ELOVL5: variants seen among roughly 807,000 people sequenced by gnomAD.
ELOVL5 encodes the protein ELOVL fatty acid elongase 5, also known as very long chain fatty acid elongase 5.
Under a neutral mutation model 38.6 loss-of-function variants are expected in ELOVL5, and 8 were observed. That is an observed-to-expected ratio of 0.21 (90% CI 0.12 to 0.37). The LOEUF is 0.37. ELOVL5 is among the 10% of genes least tolerant of loss of function. The pLI is 1.00. For missense variants in ELOVL5, 280 were observed against 367.8 expected (o/e 0.76, Z 1.95); for synonymous variants, 127 against 133.7 (o/e 0.95, Z 0.34).
At chr6:53,348,679 G>T in intron 1 of ELOVL5, 138 bp downstream of exon 1, 1 of 351,640 alleles carries the variant, frequency 2.8e-6, no homozygotes, top group Non-Finnish European at 5.5e-6. Context: ...AGCGCGGGTT[G>T]CCCCGGCAGC....
chr6:53,324,415 GC>G (rs960434676), intron 1 of ELOVL5, among the ~76,000 whole-genome samples: 1 of 151,988 alleles, frequency 6.6e-6, no homozygotes, highest in Admixed American at 6.6e-5. Flanking sequence ...GTGGCTCACA[GC>G]TGTAATCCCA....
chr6:53,332,586 G>C (rs1768853019), intron 1 of ELOVL5, among the ~76,000 whole-genome samples: 1 of 152,174 alleles, frequency 6.6e-6, no homozygotes. Context: ...AAGAGGCGGA[G>C]AGAGAATGGA....
At chr6:53,292,047 A>G in intron 2 of ELOVL5, 84 bp from the exon 3 acceptor site, 4 of 825,210 alleles carry the variant, frequency 4.8e-6, no homozygotes, top group Non-Finnish European at 7.3e-6. Context: ...CCATGATGAT[A>G]TAAAAGTCAC....
At chr6:53,342,268 T>TC (rs1769364808) in intron 1 of ELOVL5, among the ~76,000 whole-genome samples, 1 of 152,196 alleles carries the variant, frequency 6.6e-6, no homozygotes, top group African/African-American at 2.4e-5. Context: ...GGGAGATACA[T>TC]CACATTTCAA....
At chr6:53,323,019 C>G (rs1173260253) in intron 1 of ELOVL5, among the ~76,000 whole-genome samples, 1 of 152,198 alleles carries the variant, frequency 6.6e-6, no homozygotes, top group African/African-American at 2.4e-5. Flanking sequence ...CCACGCACTT[C>G]ACATGCACTA....
chr6:53,285,508 T>A (rs1766534661), intron 3 of ELOVL5, among the ~76,000 whole-genome samples: 1 of 152,378 alleles, frequency 6.6e-6, no homozygotes, highest in South Asian at 2.1e-4. Context: ...CTATAGAAGC[T>A]GCAGCCAGTT....
At chr6:53,319,863 T>A (rs1008857460) in intron 1 of ELOVL5, among the ~76,000 whole-genome samples, 1 of 152,208 alleles carries the variant, frequency 6.6e-6, no homozygotes, top group African/African-American at 2.4e-5. Flanking sequence ...CCCTTTGTCA[T>A]CTTTGTAAAC....
intron 1 of ELOVL5, among the ~76,000 whole-genome samples, chr6:53,339,926 T>A (rs1205283305): frequency 6.6e-6 from 1 of 152,214 alleles, no homozygotes; most frequent in East Asian, 1.9e-4. Context: ...TGTGTGTTAC[T>A]GCTCCTACAG....
At chr6:53,321,661 T>A (rs1406805856) in intron 1 of ELOVL5, among the ~76,000 whole-genome samples, 1 of 152,220 alleles carries the variant, frequency 6.6e-6, no homozygotes, top group Admixed American at 6.5e-5. Flanking sequence ...ACCATTGCCA[T>A]AACTGGACAA....
chr6:53,273,402 T>G, intron 5 of ELOVL5, 58 bp from the exon 6 acceptor site: 2 of 1,446,246 alleles, frequency 1.4e-6, no homozygotes, highest in Non-Finnish European at 1.8e-6. Flanking sequence ...ACAGAACAGG[T>G]GGTAAAAAAA....
At chr6:53,291,711 A>G in intron 3 of ELOVL5, 65 bp downstream of exon 3, 1 of 1,353,572 alleles carries the variant, frequency 7.4e-7, no homozygotes, top group South Asian at 1.6e-5. Flanking sequence ...ATTTAGGAAT[A>G]CAATTTAGGA....
intron 1 of ELOVL5, among the ~76,000 whole-genome samples, chr6:53,300,091 A>G (rs1476903806): frequency 6.6e-6 from 1 of 152,144 alleles, no homozygotes; most frequent in Non-Finnish European, 1.5e-5. Context: ...TGTGGATCCC[A>G]AGCTTGATTT....
chr6:53,346,277 A>G (rs1213246260), intron 1 of ELOVL5, among the ~76,000 whole-genome samples: 2 of 152,144 alleles, frequency 1.3e-5, no homozygotes, highest in Non-Finnish European at 2.9e-5. Context: ...TCCATGGTGT[A>G]TATGTGCCAC....
At chr6:53,339,620 T>C (rs1342635756) in intron 1 of ELOVL5, among the ~76,000 whole-genome samples, 1 of 152,228 alleles carries the variant, frequency 6.6e-6, no homozygotes, top group Non-Finnish European at 1.5e-5. Flanking sequence ...TATTGCCTAG[T>C]GACATCATAG....
At chr6:53,347,916 T>G (rs1410956284) in intron 1 of ELOVL5, among the ~76,000 whole-genome samples, 1 of 152,050 alleles carries the variant, frequency 6.6e-6, no homozygotes, top group Non-Finnish European at 1.5e-5. Flanking sequence ...CGACCCGAGG[T>G]GGTGGGGTGG....
At chr6:53,279,208 A>G (rs1766264415) in intron 3 of ELOVL5, among the ~76,000 whole-genome samples, 1 of 152,188 alleles carries the variant, frequency 6.6e-6, no homozygotes, top group Admixed American at 6.5e-5. Flanking sequence ...GTCTCACCCA[A>G]TGTGGTTCAT....
chr6:53,323,708 G>A (rs1303694169), intron 1 of ELOVL5, among the ~76,000 whole-genome samples: 1 of 143,864 alleles, frequency 7.0e-6, no homozygotes, highest in African/African-American at 2.6e-5. Flanking sequence ...TCAGCCTCCC[G>A]AGTAGCTGGG....
At chr6:53,308,642 T>A (rs184074203) in intron 1 of ELOVL5, among the ~76,000 whole-genome samples, 1 of 152,212 alleles carries the variant, frequency 6.6e-6, no homozygotes, top group East Asian at 1.9e-4. Flanking sequence ...CGTTAGGTAA[T>A]TCTGGGAAAC....
intron 1 of ELOVL5, among the ~76,000 whole-genome samples, chr6:53,327,394 A>T (rs763987577): frequency 1.3e-5 from 2 of 152,200 alleles, no homozygotes; most frequent in Non-Finnish European, 2.9e-5. Context: ...GGGTGGATGA[A>T]ACTTGAAAAC....
Sources: allele counts gnomAD v4.1 joint callset (sites outside exome capture counted in the v4.1 genomes callset), GRCh38; gene constraint gnomAD v4.1.1; transcripts MANE v1.5; gene names NCBI Gene and HGNC (gene_info 2026-07-23, HGNC 2026-07-21).